Variants in BAZ1B observed in about 807,000 individuals in gnomAD.
BAZ1B encodes the protein tyrosine-protein kinase BAZ1B.
Under a neutral mutation model 153.8 loss-of-function variants are expected in BAZ1B, and 22 were observed. That is an observed-to-expected ratio of 0.14 (90% CI 0.10 to 0.20). BAZ1B has a LOEUF of 0.20. Among genes scored for constraint, BAZ1B ranks in the 10% least tolerant of loss-of-function variants. The pLI, the probability that BAZ1B is intolerant of heterozygous loss-of-function variation, is 1.00. For missense variants in BAZ1B, 1,325 were observed against 1,799.3 expected, an observed-to-expected ratio of 0.74 and a Z score of 4.77; for synonymous variants, 676 against 633.4, an observed-to-expected ratio of 1.07 and a Z score of -1.01.
chr7:73,445,058 G>A (rs1787780828), intron 16 of BAZ1B, among the ~76,000 whole-genome samples: 1 of 152,032 alleles, frequency 6.6e-6, no homozygotes, highest in Admixed American at 6.6e-5. Context: ...CAAAGGCACT[G>A]AGACTACTTG....
intron 6 of BAZ1B, among the ~76,000 whole-genome samples, chr7:73,479,056 T>C (rs138421424): frequency 2.1e-4 from 32 of 151,282 alleles, no homozygotes; most frequent in South Asian, 2.1e-3. Flanking sequence ...TGCTTTTAAG[T>C]AGAAATGATA....
intron 1 of BAZ1B, 35 bp from the exon 2 acceptor site, chr7:73,510,887 C>T: frequency 6.4e-7 from 1 of 1,568,772 alleles, no homozygotes; most frequent in Middle Eastern, 1.7e-4. Context: ...AATATGCAAG[C>T]AACAGAGACG....
intron 5 of BAZ1B, among the ~76,000 whole-genome samples, chr7:73,489,628 A>C (rs782599842): frequency 1.2e-4 from 18 of 152,176 alleles, no homozygotes; most frequent in Admixed American, 5.2e-4. Context: ...CGACCTGGGC[A>C]ATATAACAAG....
At chr7:73,488,238 A>AG (rs1457315801) in intron 6 of BAZ1B, among the ~76,000 whole-genome samples, 2 of 152,182 alleles carry the variant, frequency 1.3e-5, no homozygotes, top group Non-Finnish European at 2.9e-5. Context: ...AACCTACATT[A>AG]AAAAACCACT....
At position 73,504,433 on chromosome 7, in the gene BAZ1B, G is replaced by A. The variant is rs186141762; in HGVS notation, c.369+3894C>T. On this transcript the variant is annotated intron_variant, in intron 3 of 19. Coordinates refer to ENST00000339594, the MANE Select transcript of BAZ1B (RefSeq NM_032408.4). ...AATCCCAGCACTCTGGGAGGCCGAG[G>A]CGGGTGGATCACGAGGTCAGGAGAT... is the stretch of plus-strand genomic sequence containing the variant. Among the ~76,000 whole-genome samples the A allele has an allele frequency of 3.1e-3, 469 of 152,210 alleles. 1 individual carries two copies. Among genetic ancestry groups the A allele is most frequent in the African/African-American group, 9.9e-3 (413 of 41,536 alleles).
At chr7:73,490,494 T>G (rs1308703037) in intron 5 of BAZ1B, among the ~76,000 whole-genome samples, 1 of 152,192 alleles carries the variant, frequency 6.6e-6, no homozygotes, top group Non-Finnish European at 1.5e-5. Context: ...TACTATCTCT[T>G]TCTTATTTGC....
In BAZ1B at chr7:73,521,951, G is replaced by A. The variant is rs547953730; in HGVS notation, c.-18C>T. Reference sequence around the variant, plus strand: ...GGCGCCATCGCGGCGGCGGCGGTGGGGACTGGCGGCTGCTGGGGCCGGCCC... The same window carrying A: ...GGCGCCATCGCGGCGGCGGCGGTGGAGACTGGCGGCTGCTGGGGCCGGCCC... On this transcript the variant is annotated 5_prime_UTR_variant, in exon 1 of 20. Coordinates refer to ENST00000339594, the MANE Select transcript of BAZ1B (RefSeq NM_032408.4). 1.9e-5 allele frequency: 27 copies of A among 1,436,098 alleles called. No homozygotes were observed. Among genetic ancestry groups the A allele is most frequent in the Non-Finnish European group, 1.7e-5 (18 of 1,086,712 alleles). The allele number at this position is 1,436,098 out of a possible 1,614,324, so 89.0% of individuals were successfully genotyped here.
Position 73,498,679 on chromosome 7 carries a change from A to G in BAZ1B, c.389T>C (p.Leu130Pro). 6.2e-7 allele frequency: 1 copy of G among 1,614,066 alleles called. No homozygotes were observed. Among genetic ancestry groups the G allele is most frequent in the African/African-American group, 1.3e-5 (1 of 75,042 alleles). ...ATGAATCTTCACAATCTTCACCTTG[A>G]GCATTTTCTCCTTCCCAACCTATAA... ...CDFEVGKEKM[L>P]KVKIVKIHPL... is the part of the protein sequence containing the mutation. The change falls in exon 4 of 20, where the codon CTC (leucine) becomes CCC (proline). Residue 130 changes from leucine (L) to proline (P), a missense_variant. This residue lies in a region of BAZ1B where 153 missense variants were observed against 204.8 expected (regional missense o/e 0.75). Coordinates refer to ENST00000339594, the MANE Select transcript of BAZ1B (RefSeq NM_032408.4).
chr7:73,498,393 A>G, intron 4 of BAZ1B, 104 bp downstream of exon 4: 2 of 1,091,352 alleles, frequency 1.8e-6, no homozygotes, highest in Non-Finnish European at 2.7e-6. Context: ...TCATGTCTAC[A>G]TAAAAAATCA....
In BAZ1B at chr7:73,477,664, A is replaced by G. The variant is rs1554573055; in HGVS notation, c.1797T>C (p.Pro599=). ...NLPAFRLVDT[P]EGLPNTLFGD... is the part of the protein sequence containing the mutation. ...CAAACAGCGTGTTGGGCAGCCCTTC[A>G]GGGGTATCCACCAATCTGAATGCTG... The change falls in exon 7 of 20, where the codon CCT becomes CCC. Residue 599 remains proline, a synonymous_variant. Coordinates refer to ENST00000339594, the MANE Select transcript of BAZ1B (RefSeq NM_032408.4). This position sits in a 1 kb window ranked among gnomAD's most constrained non-coding sequence, Gnocchi z 5.6. The G allele has an allele frequency of 3.1e-6, 5 of 1,614,238 alleles. No individual in the cohort carries two copies. The highest frequency in any genetic ancestry group is 4.2e-6 in the Non-Finnish European group (5 of 1,180,044).
intron 1 of BAZ1B, among the ~76,000 whole-genome samples, chr7:73,521,338 G>C (rs1274606903): frequency 2.0e-5 from 3 of 152,164 alleles, no homozygotes; most frequent in Non-Finnish European, 4.4e-5. Context: ...CGCAGAGATC[G>C]GGGTAAGACG....
chr7:73,491,280 C>G lies in BAZ1B; in HGVS notation c.693+1520G>C, dbSNP rs570492011. On this transcript the variant is annotated intron_variant, in intron 5 of 19. Transcript: ENST00000339594. ...CCGCCTGAGCGACAGAACAAGACTCCGTCTCAAAAAAGACAAAAAAACAAA... is the reference window on the plus strand; with the variant it reads ...CCGCCTGAGCGACAGAACAAGACTCGGTCTCAAAAAAGACAAAAAAACAAA... Among the ~76,000 whole-genome samples the G allele has an allele frequency of 8.6e-5, 13 of 152,028 alleles. No individual in the cohort carries two copies. In the South Asian group the frequency reaches 2.7e-3, roughly 32 times the overall value.
At chr7:73,515,177 C>T (rs1790747374) in intron 1 of BAZ1B, among the ~76,000 whole-genome samples, 1 of 152,216 alleles carries the variant, frequency 6.6e-6, no homozygotes. Flanking sequence ...TTCTAATCAT[C>T]CTTTAGATCT....
intron 3 of BAZ1B, among the ~76,000 whole-genome samples, chr7:73,506,274 G>A (rs1438866347): frequency 1.3e-5 from 2 of 150,318 alleles, no homozygotes; most frequent in African/African-American, 4.9e-5. Context: ...CGAGACAGGT[G>A]GATCACAAGG....
intron 15 of BAZ1B, 117 bp from the exon 16 acceptor site, chr7:73,447,496 TATG>T (rs1414216694): frequency 5.1e-5 from 65 of 1,271,838 alleles, no homozygotes; most frequent in Non-Finnish European, 6.3e-5. Flanking sequence ...ATGTATAACG[TATG>T]ATAATTCAGG....
chr7:73,518,655 A>C (rs1554579709), intron 1 of BAZ1B, among the ~76,000 whole-genome samples: 1 of 151,962 alleles, frequency 6.6e-6, no homozygotes, highest in African/African-American at 2.4e-5. Context: ...CTGTGCTACC[A>C]CCTCGTCTGT....
At chr7:73,508,017 G>A (rs781912690) in intron 3 of BAZ1B, among the ~76,000 whole-genome samples, 6 of 151,972 alleles carry the variant, frequency 3.9e-5, no homozygotes, top group South Asian at 2.1e-4. Flanking sequence ...CTAGCCGGGC[G>A]TGGTGGTGCA....
chr7:73,489,178 T>G lies in BAZ1B; in HGVS notation c.891+16A>C. On this transcript the variant is annotated intron_variant, in intron 6 of 19. Coordinates refer to ENST00000339594, the MANE Select transcript of BAZ1B (RefSeq NM_032408.4). ...GATGCTTTATCCTGCTGTCCAAAAA[T>G]TAACAGTGACCTTACCTTGTATGGA... The G allele has an allele frequency of 6.2e-7, 1 of 1,612,506 alleles. No individual in the cohort carries two copies. Among genetic ancestry groups the G allele is most frequent in the Non-Finnish European group, 8.5e-7 (1 of 1,178,574 alleles).
chr7:73,502,438 C>T (rs1790171337), intron 3 of BAZ1B, among the ~76,000 whole-genome samples: 1 of 151,662 alleles, frequency 6.6e-6, no homozygotes, highest in African/African-American at 2.4e-5. Flanking sequence ...GGTTAAAATA[C>T]TTAACATTAA....
Sources: allele counts gnomAD v4.1 joint callset (sites outside exome capture counted in the v4.1 genomes callset), GRCh38; gene constraint gnomAD v4.1.1; regional missense constraint gnomAD v4.1.1; non-coding constraint Gnocchi (gnomAD v3.1); transcripts MANE v1.5; gene names NCBI Gene and HGNC (gene_info 2026-07-23, HGNC 2026-07-21).